The following HERPUD2 variants were observed in gnomAD, a reference collection of about 807,000 sequenced individuals.
HERPUD2 encodes the protein HERPUD family member 2, also known as homocysteine-responsive endoplasmic reticulum-resident ubiquitin-like domain member 2 protein.
A neutral mutation model predicts 49.9 loss-of-function variants in HERPUD2; 13 were observed. The observed-to-expected ratio is 0.26, with a 90% CI of 0.17 to 0.41. The LOEUF (loss-of-function observed/expected upper bound fraction) is 0.41, where lower values mean the gene tolerates loss of function less well. Ranked by LOEUF, HERPUD2 falls within the 10% of genes least tolerant of loss-of-function variation. The pLI, the probability that HERPUD2 is intolerant of heterozygous loss-of-function variation, is 1.00. For synonymous variants in HERPUD2, 172 were observed against 171.4 expected, an observed-to-expected ratio of 1.00 and a Z score of -0.03; for missense variants, 449 against 492.2, an observed-to-expected ratio of 0.91 and a Z score of 0.83.
At chr7:35,634,250 G>T in intron 8 of HERPUD2, 62 bp downstream of exon 8, 1 of 970,758 alleles carries the variant, frequency 1.0e-6, no homozygotes, top group Non-Finnish European at 1.7e-6. Flanking sequence ...TCATCATGTT[G>T]GTCCCATACC....
chr7:35,692,829 A>T (rs1463141354), intron 2 of HERPUD2, among the ~76,000 whole-genome samples: 3 of 152,248 alleles, frequency 2.0e-5, no homozygotes, highest in Non-Finnish European at 2.9e-5. Context: ...ATAATTCATT[A>T]ATATCGTAAT....
At chr7:35,634,045 A>AATTCTTACC (rs1242672764) in intron 8 of HERPUD2, among the ~76,000 whole-genome samples, 194 bp from the exon 9 acceptor site, 10 of 152,206 alleles carry the variant, frequency 6.6e-5, no homozygotes, top group African/African-American at 1.2e-4. Flanking sequence ...CAATACAATA[A>AATTCTTACC]ATTCTTACCA....
In HERPUD2 at chr7:35,635,436, C is replaced by T. The variant is rs1784856183; in HGVS notation, c.640G>A (p.Ala214Thr). 5 of 1,612,502 alleles carry T rather than the reference C, an allele frequency of 3.1e-6. No homozygotes were observed. Among genetic ancestry groups the T allele is most frequent in the Non-Finnish European group, 4.2e-6 (5 of 1,178,754 alleles). ...TGGGTTGGGTTGACATTTGATGTGGCCTGAGCTGAAACTGCAGCTTGACTG... is the reference window on the plus strand; with the variant it reads ...TGGGTTGGGTTGACATTTGATGTGGTCTGAGCTGAAACTGCAGCTTGACTG... The part of the protein sequence containing the change: ...MQYQAAVSAQ[A>T]TSNVNPTQPT... The change falls in exon 7 of 9, where the codon GCC (alanine) becomes ACC (threonine). Residue 214 changes from alanine to threonine, a missense_variant. Transcript: ENST00000311350.
Position 35,667,558 on chromosome 7 carries a change from A to T in HERPUD2, c.370T>A (p.Ser124Thr). ...SSDHSGSTTP[S>T]SGQETLSLAV... ...AAAGACAAGGTTTCTTGACCAGATG[A>T]TGGAGTTGTTGATCCTGAATGATCT... is the stretch of plus-strand genomic sequence containing the variant. Residue 124 changes from serine (S) to threonine (T), a missense_variant, in exon 5 of 9, where the codon TCA (serine) becomes ACA (threonine). Coordinates refer to ENST00000311350, the MANE Select transcript of HERPUD2 (RefSeq NM_022373.5). 6.2e-7 allele frequency: 1 copy of T among 1,613,600 alleles called. No individual in the cohort carries two copies. The highest frequency in any genetic ancestry group is 8.5e-7 in the Non-Finnish European group (1 of 1,179,628).
At chr7:35,640,101 A>G (rs148741320) in intron 5 of HERPUD2, among the ~76,000 whole-genome samples, 9 of 152,336 alleles carry the variant, frequency 5.9e-5, no homozygotes, top group African/African-American at 1.9e-4. Context: ...CTGGAGAGAA[A>G]GCCATACCAC....
chr7:35,672,587 A>T (rs1245631902), intron 3 of HERPUD2, among the ~76,000 whole-genome samples: 1 of 152,120 alleles, frequency 6.6e-6, no homozygotes, highest in Non-Finnish European at 1.5e-5. Flanking sequence ...CAATTCTGCT[A>T]TACCCACCAA....
chr7:35,653,180 C>T (rs568344181), intron 5 of HERPUD2, among the ~76,000 whole-genome samples: 1 of 152,214 alleles, frequency 6.6e-6, no homozygotes, highest in South Asian at 2.1e-4. Flanking sequence ...ATGCTGCCTA[C>T]AAGAAATTCA....
chr7:35,686,648 G>A, intron 2 of HERPUD2, among the ~76,000 whole-genome samples: 1 of 123,698 alleles, frequency 8.1e-6, no homozygotes, highest in Non-Finnish European at 1.7e-5. Context: ...GAACCCGGGA[G>A]GCGGAGCTTG....
intron 2 of HERPUD2, among the ~76,000 whole-genome samples, chr7:35,693,423 G>A (rs997836111): frequency 2.0e-5 from 3 of 151,972 alleles, no homozygotes; most frequent in Admixed American, 6.6e-5. Flanking sequence ...ATTTTTATAG[G>A]GGACACATAC....
chr7:35,642,326 T>C (rs569527048), intron 5 of HERPUD2, among the ~76,000 whole-genome samples: 1 of 152,288 alleles, frequency 6.6e-6, no homozygotes, highest in Admixed American at 6.5e-5. Flanking sequence ...CTGGCAAGGT[T>C]GCAGAGAAAA....
chr7:35,692,899 T>C (rs1207983567), intron 2 of HERPUD2, among the ~76,000 whole-genome samples: 2 of 152,230 alleles, frequency 1.3e-5, no homozygotes, highest in South Asian at 2.1e-4. Flanking sequence ...GTAGAAAGCA[T>C]AGTTGCCTTC....
intron 2 of HERPUD2, among the ~76,000 whole-genome samples, chr7:35,689,814 C>A (rs1786141345): frequency 6.6e-6 from 1 of 152,030 alleles, no homozygotes. Flanking sequence ...GTATTTTGAC[C>A]CCAAGACTGA....
chr7:35,675,519 TAATA>T lies in HERPUD2; in HGVS notation c.148-2245_148-2242del, dbSNP rs375383048. On this transcript the variant is annotated intron_variant, in intron 2 of 8. Transcript: ENST00000311350. Reference sequence around the variant, plus strand: ...TCACTTTTTTACCAGACCAAACATTTAATAAATAGATACTTTTACGTCATATCAT... The same window carrying T: ...TCACTTTTTTACCAGACCAAACATTTAATAGATACTTTTACGTCATATCAT... Among the ~76,000 whole-genome samples, 261 of 152,084 alleles carry T rather than the reference TAATA, an allele frequency of 1.7e-3. 2 individuals carry two copies. The highest frequency in any genetic ancestry group is 5.5e-3 in the African/African-American group (227 of 41,372).
intron 5 of HERPUD2, among the ~76,000 whole-genome samples, chr7:35,657,497 G>A (rs1286074252): frequency 2.7e-5 from 4 of 150,468 alleles, no homozygotes; most frequent in Non-Finnish European, 4.4e-5. Flanking sequence ...TAGCTCATAC[G>A]TGTAATTCCA....
At chr7:35,679,697 T>C (rs1248900774) in intron 2 of HERPUD2, among the ~76,000 whole-genome samples, 1 of 152,224 alleles carries the variant, frequency 6.6e-6, no homozygotes, top group Non-Finnish European at 1.5e-5. Context: ...TTTGTCTCTC[T>C]GTCCAAGGCC....
chr7:35,679,458 T>G (rs768390327), intron 2 of HERPUD2, among the ~76,000 whole-genome samples: 2 of 152,066 alleles, frequency 1.3e-5, no homozygotes, highest in Non-Finnish European at 2.9e-5. Flanking sequence ...CTGTCAGCAG[T>G]AGGAGGAAAA....
chr7:35,657,938 A>G (rs1785318100), intron 5 of HERPUD2, among the ~76,000 whole-genome samples: 1 of 151,876 alleles, frequency 6.6e-6, no homozygotes, highest in Non-Finnish European at 1.5e-5. Context: ...AAAAAAGAAA[A>G]AAACCACTAC....
At chr7:35,691,656 G>C (rs1243039056) in intron 2 of HERPUD2, among the ~76,000 whole-genome samples, 1 of 152,232 alleles carries the variant, frequency 6.6e-6, no homozygotes, top group Non-Finnish European at 1.5e-5. Flanking sequence ...AAACATAACA[G>C]CACTTGAAAA....
In HERPUD2 at chr7:35,694,584, C is replaced by T. The variant is rs1786274636; in HGVS notation, c.-254G>A. On this transcript the variant is annotated 5_prime_UTR_variant, in exon 2 of 9. Transcript: ENST00000311350. ...AGCTCTCCCCGCCAGGTCCGGGCTC[C>T]GCCGGGCTCCGGACTGTGGAGGCCG... is the stretch of plus-strand genomic sequence containing the variant. 3.9e-6 allele frequency: 2 copies of T among 519,234 alleles called. No individual in the cohort carries two copies. The highest frequency in any genetic ancestry group is 1.9e-5 in the African/African-American group (1 of 52,416). The allele number at this position is 519,234 out of a possible 1,614,324, so 32.2% of individuals were successfully genotyped here.
Sources: gnomAD v4.1 joint callset for allele counts (sites outside exome capture counted in the v4.1 genomes callset) on GRCh38, gnomAD v4.1.1 for gene constraint, MANE v1.5 for transcripts, NCBI Gene and HGNC (gene_info 2026-07-23, HGNC 2026-07-21) for gene names.